DNAJC11: variants seen among roughly 807,000 people sequenced by gnomAD.
DNAJC11 encodes the protein dnaJ homolog subfamily C member 11.
In DNAJC11, 15 loss-of-function variants were observed where a neutral mutation model predicts 78.6. The observed-to-expected ratio is 0.19, with a 90% CI of 0.13 to 0.29. The LOEUF (loss-of-function observed/expected upper bound fraction) is 0.29, where lower values mean the gene tolerates loss of function less well. Ranked by LOEUF, DNAJC11 falls within the 10% of genes least tolerant of loss-of-function variation. The pLI is 1.00. For synonymous variants in DNAJC11, 292 were observed against 272.1 expected (o/e 1.07, Z -0.72); for missense variants, 547 against 709.6 (o/e 0.77, Z 2.60).
At chr1:6,677,941 A>T (rs1321994775) in intron 3 of DNAJC11, among the ~76,000 whole-genome samples, 1 of 152,248 alleles carries the variant, frequency 6.6e-6, no homozygotes, top group Non-Finnish European at 1.5e-5. Context: ...GCTCACGTGC[A>T]TAACATACTC....
chr1:6,692,458 C>G (rs1455704523), intron 1 of DNAJC11, among the ~76,000 whole-genome samples: 2 of 151,746 alleles, frequency 1.3e-5, no homozygotes, highest in Admixed American at 1.3e-4. Context: ...TATCCTTGAG[C>G]CTGCACCCTA....
At chr1:6,664,706 A>G (rs1642269859) in intron 4 of DNAJC11, among the ~76,000 whole-genome samples, 1 of 152,200 alleles carries the variant, frequency 6.6e-6, no homozygotes, top group East Asian at 1.9e-4. Context: ...TCCCTAATAA[A>G]TTAACATCTA....
Position 6,677,158 on chromosome 1 carries a change from C to CAAAAAAAAA in DNAJC11, c.276+1227_276+1235dup, listed in dbSNP as rs1181692411. Among the ~76,000 whole-genome samples, 7 of 49,474 alleles carry CAAAAAAAAA rather than the reference C, an allele frequency of 1.4e-4. 1 individual carries two copies. Among genetic ancestry groups the CAAAAAAAAA allele is most frequent in the African/African-American group, 1.6e-4 (2 of 12,500 alleles). 32.5% of individuals were successfully genotyped at this position (49,474 alleles called of 152,430 possible). A position where few individuals can be genotyped will look rare whatever the true frequency, so the allele number is the denominator to read the frequency against. On this transcript the variant is annotated intron_variant, in intron 3 of 15. Transcript: ENST00000377577. ...GGGCAACAAGAGCAAAACTTGGTCT[C>CAAAAAAAAA]AAAAAAAAAAAAAAAACAAAAAAAA... is the stretch of plus-strand genomic sequence containing the variant.
Position 6,695,323 on chromosome 1 carries a change from A to G in DNAJC11, c.72+6406T>C, listed in dbSNP as rs1329546306. Among the ~76,000 whole-genome samples, 4 of 152,042 alleles carry G rather than the reference A, an allele frequency of 2.6e-5. No homozygotes were observed. In the East Asian group the frequency reaches 7.7e-4, roughly 29 times the overall value. ...CCTTATGTCTTTTTTTAAAGTAAGCAAAACTTCAAACTTATCAAAATCCAA... is the reference window on the plus strand; with the variant it reads ...CCTTATGTCTTTTTTTAAAGTAAGCGAAACTTCAAACTTATCAAAATCCAA... On this transcript the variant is annotated intron_variant, in intron 1 of 15. Transcript: ENST00000377577.
intron 7 of DNAJC11, among the ~76,000 whole-genome samples, chr1:6,650,711 T>C (rs1187313646): frequency 1.3e-5 from 2 of 149,212 alleles, no homozygotes; most frequent in African/African-American, 2.5e-5. Context: ...CCATCTCTAT[T>C]AAAAATACAA....
intron 11 of DNAJC11, among the ~76,000 whole-genome samples, chr1:6,638,804 G>A (rs757162663): frequency 3.3e-5 from 5 of 152,270 alleles, no homozygotes; most frequent in Non-Finnish European, 5.9e-5. Flanking sequence ...TAGGGTTACA[G>A]GCGTGAGTTG....
Position 6,640,005 on chromosome 1 carries a change from G to A in DNAJC11, c.1150C>T (p.Leu384Phe), listed in dbSNP as rs1641849391. The change falls in exon 11 of 16, where the codon CTT becomes TTT. Residue 384 changes from leucine (L) to phenylalanine (F), a missense_variant. Leu to Phe is a conservative substitution (Grantham distance 22). Transcript: ENST00000377577. ...GCATAGAACATGGCGCTGGGCAGAA[G>A]CTGGTCCGTCAAGTGAATAGGGAAG... ...YFFPIHLTDQ[L>F]LPSAMFYATV... The A allele has an allele frequency of 1.2e-6, 2 of 1,612,088 alleles. No individual in the cohort carries two copies. The highest frequency in any genetic ancestry group is 1.7e-6 in the Non-Finnish European group (2 of 1,179,698).
intron 1 of DNAJC11, among the ~76,000 whole-genome samples, chr1:6,700,861 C>T (rs1340048094): frequency 1.3e-5 from 2 of 152,182 alleles, no homozygotes; most frequent in East Asian, 1.9e-4. Context: ...AAAGTCTGGA[C>T]CCATCGGCTT....
intron 10 of DNAJC11, among the ~76,000 whole-genome samples, chr1:6,642,212 G>A (rs1278145028): frequency 6.6e-6 from 1 of 152,092 alleles, no homozygotes; most frequent in Non-Finnish European, 1.5e-5. Flanking sequence ...GTCTCTGAAG[G>A]GCTTTGGCCT....
intron 1 of DNAJC11, 87 bp from the exon 2 acceptor site, chr1:6,681,124 C>T (rs544611521): frequency 2.4e-5 from 33 of 1,388,000 alleles, no homozygotes; most frequent in Middle Eastern, 2.6e-4. Context: ...GGGAACCCAT[C>T]AGCCACGTCC....
At chr1:6,652,974 A>G (rs1449127850) in intron 5 of DNAJC11, 23 bp from the exon 6 acceptor site, 9 of 1,613,850 alleles carry the variant, frequency 5.6e-6, no homozygotes, top group Non-Finnish European at 7.6e-6. Flanking sequence ...TTTGCTGGTA[A>G]TGAATGAATC....
chr1:6,638,410 A>G (rs1411346732), intron 11 of DNAJC11, 46 bp from the exon 12 acceptor site: 2 of 1,582,612 alleles, frequency 1.3e-6, no homozygotes, highest in Non-Finnish European at 1.7e-6. Context: ...GGCGCTGCCC[A>G]GCTTCCAGCC....
At chr1:6,688,664 T>C (rs1642695888) in intron 1 of DNAJC11, among the ~76,000 whole-genome samples, 3 of 152,196 alleles carry the variant, frequency 2.0e-5, no homozygotes, top group South Asian at 4.1e-4. Flanking sequence ...GAAAACTTCA[T>C]GGAGGTGGTG....
At chr1:6,656,345 G>T (rs542742696) in intron 4 of DNAJC11, among the ~76,000 whole-genome samples, 3 of 151,866 alleles carry the variant, frequency 2.0e-5, no homozygotes, top group South Asian at 4.2e-4. Flanking sequence ...GAATGAAATG[G>T]AATTGAAAAG....
chr1:6,696,685 T>C (rs1038391420), intron 1 of DNAJC11, among the ~76,000 whole-genome samples: 6 of 152,252 alleles, frequency 3.9e-5, no homozygotes, highest in African/African-American at 1.4e-4. Flanking sequence ...TTTGTACTTC[T>C]AGTTTCATGG....
At chr1:6,678,273 A>AG in intron 3 of DNAJC11, 121 bp downstream of exon 3, 1 of 1,061,208 alleles carries the variant, frequency 9.4e-7, no homozygotes, top group Non-Finnish European at 1.5e-6. Flanking sequence ...AGGGCAAGGA[A>AG]GGGGGCTCTA....
chr1:6,686,397 A>G (rs970324632), intron 1 of DNAJC11, among the ~76,000 whole-genome samples: 23 of 152,236 alleles, frequency 1.5e-4, no homozygotes, highest in African/African-American at 5.1e-4. Context: ...CTGCAGTAAC[A>G]AACAATCCAA....
At chr1:6,636,096 T>C (rs1231744140) in intron 15 of DNAJC11, 21 bp downstream of exon 15, 2 of 1,609,094 alleles carry the variant, frequency 1.2e-6, no homozygotes, top group Admixed American at 1.7e-5. Flanking sequence ...AGCTGGTGAC[T>C]GCGAAGGGAC....
At chr1:6,665,966 C>T (rs911433927) in intron 4 of DNAJC11, among the ~76,000 whole-genome samples, 5 of 152,304 alleles carry the variant, frequency 3.3e-5, no homozygotes, top group African/African-American at 7.2e-5. Context: ...CAGGGCACCT[C>T]GGAGATTTTC....
Sources: allele counts gnomAD v4.1 joint callset (sites outside exome capture counted in the v4.1 genomes callset), GRCh38; gene constraint gnomAD v4.1.1; transcripts MANE v1.5; gene names NCBI Gene and HGNC (gene_info 2026-07-23, HGNC 2026-07-21).